The following WDR44 variants were observed in gnomAD, a reference collection of about 807,000 sequenced individuals.
WDR44 encodes the protein WD repeat-containing protein 44.
Under a neutral mutation model 65.7 loss-of-function variants are expected in WDR44, and 9 were observed. The observed-to-expected ratio is 0.14, with a 90% CI of 0.08 to 0.24. The LOEUF is 0.24. Among genes scored for constraint, WDR44 ranks in the 10% least tolerant of loss-of-function variants. WDR44 has a pLI of 1.00. For synonymous variants in WDR44, 220 were observed against 235.2 expected (o/e 0.94, Z 0.59); for missense variants, 425 against 670.9 (o/e 0.63, Z 4.05).
intron 1 of WDR44, among the ~76,000 whole-genome samples, chrX:118,357,618 A>T (rs1485155006): frequency 4.5e-5 from 5 of 111,757 alleles, no homozygotes; most frequent in East Asian, 2.8e-4. Flanking sequence ...GTGGTGGCTC[A>T]TGCCTGTAAT....
chrX:118,395,605 T>C (rs967695124), intron 6 of WDR44, among the ~76,000 whole-genome samples: 5 of 112,095 alleles, frequency 4.5e-5, no homozygotes, highest in African/African-American at 1.3e-4. Flanking sequence ...AAATTGAAGA[T>C]TGTCTTTGTT....
At chrX:118,423,656 C>T (rs1056980959) in intron 12 of WDR44, among the ~76,000 whole-genome samples, 2 of 111,805 alleles carry the variant, frequency 1.8e-5, no homozygotes, top group African/African-American at 3.3e-5. Flanking sequence ...ATTAAGTATA[C>T]GATACAGTAT....
intron 1 of WDR44, among the ~76,000 whole-genome samples, chrX:118,367,578 A>G (rs1471622447): frequency 8.9e-6 from 1 of 111,749 alleles, no homozygotes; most frequent in East Asian, 2.8e-4. Context: ...TGCATGGGTT[A>G]TTAGAACCAG....
chrX:118,428,292 A>C (rs1376286839), intron 12 of WDR44, among the ~76,000 whole-genome samples: 2 of 108,912 alleles, frequency 1.8e-5, no homozygotes, highest in African/African-American at 3.3e-5. Flanking sequence ...CATCTCAAAA[A>C]ATAGTAATAA....
At position 118,371,075 on chromosome X, in the gene WDR44, G is replaced by A. The variant is rs1373502153; in HGVS notation, c.78-7344G>A. On this transcript the variant is annotated intron_variant, in intron 1 of 19. Coordinates refer to ENST00000254029, the MANE Select transcript of WDR44 (RefSeq NM_019045.5). ...GGACCTGAACAGACATTTCTGAAAG[G>A]AAGACATACAGACAGATGGCCAACA... 3.6e-5 allele frequency among the ~76,000 whole-genome samples: 4 copies of A among 111,580 alleles called. No homozygotes were observed. The East Asian group carries it at 1.1e-3, about 31-fold the overall frequency.
chrX:118,424,339 A>ATATATATATATATATATATATGTATG (rs762485693), intron 12 of WDR44, among the ~76,000 whole-genome samples: 1 of 85,309 alleles, frequency 1.2e-5, no homozygotes, highest in African/African-American at 6.0e-5. Flanking sequence ...ATATATATAT[A>ATATATATATATATATATATATGTATG]TATATATATG....
chrX:118,403,867 G>A (rs1287840412), intron 8 of WDR44, among the ~76,000 whole-genome samples: 1 of 112,046 alleles, frequency 8.9e-6, no homozygotes, highest in Non-Finnish European at 1.9e-5. Flanking sequence ...AGGGACAAGG[G>A]ACCATCTTAA....
chrX:118,367,857 T>A (rs766362219), intron 1 of WDR44, among the ~76,000 whole-genome samples: 61 of 111,939 alleles, frequency 5.4e-4, no homozygotes, highest in African/African-American at 8.1e-4. Flanking sequence ...CTGATTTTTT[T>A]AAAATCCTTT....
Position 118,406,932 on chromosome X carries a change from C to G in WDR44, c.1439C>G (p.Thr480Arg). 8.3e-7 allele frequency: 1 copy of G among 1,210,430 alleles called. No homozygotes were observed. Among genetic ancestry groups the G allele is most frequent in the Non-Finnish European group, 1.1e-6 (1 of 894,421 alleles). The part of the protein sequence containing the change: ...SSSDDEGMPY[T>R]RPVKFKAAHG... ...AGTGATGATGAAGGAATGCCATACA[C>G]AAGACCAGTTAAATTCAAAGCAGCA... Residue 480 changes from threonine to arginine, a missense_variant, in exon 10 of 20, where the codon ACA becomes AGA. Coordinates refer to ENST00000254029, the MANE Select transcript of WDR44 (RefSeq NM_019045.5).
chrX:118,378,563 T>C (rs2147686663), intron 2 of WDR44, 111 bp downstream of exon 2: 1 of 732,023 alleles, frequency 1.4e-6, no homozygotes, highest in East Asian at 3.2e-5. Context: ...TACTTTTTGC[T>C]CAGTAATGTA....
chrX:118,385,826 G>A (rs745509509), intron 2 of WDR44, among the ~76,000 whole-genome samples: 1 of 111,095 alleles, frequency 9.0e-6, no homozygotes, highest in Non-Finnish European at 1.9e-5. Context: ...AGTGATATGA[G>A]AGGGAGATGA....
chrX:118,359,441 G>C (rs2056493262), intron 1 of WDR44, among the ~76,000 whole-genome samples: 1 of 112,000 alleles, frequency 8.9e-6, no homozygotes. Flanking sequence ...GTGGTTTTCT[G>C]TTTATGTCAG....
chrX:118,397,402 A>G (rs2056874579), intron 7 of WDR44, among the ~76,000 whole-genome samples: 1 of 111,271 alleles, frequency 9.0e-6, no homozygotes, highest in African/African-American at 3.3e-5. Context: ...GTGATAGTTC[A>G]TGCCTGTAAT....
chrX:118,440,754 A>G (rs952206316), intron 14 of WDR44, among the ~76,000 whole-genome samples: 6 of 111,271 alleles, frequency 5.4e-5, no homozygotes, highest in Non-Finnish European at 1.1e-4. Context: ...TTATTTGATC[A>G]CAGAACCTTC....
Position 118,396,999 on chromosome X carries a change from C to T in WDR44, c.1083C>T (p.Asn361=). 8.4e-7 allele frequency: 1 copy of T among 1,187,098 alleles called. No individual in the cohort carries two copies. Among genetic ancestry groups the T allele is most frequent in the Non-Finnish European group, 1.1e-6 (1 of 886,506 alleles). ...EEILASVMIK[N]LDTGEEIPLS... ...TTTTAGCCAGTGTAATGATTAAGAA[C>T]CTGGATACTGGAGAAGAAATACCTT... Residue 361 remains asparagine, a synonymous_variant, in exon 7 of 20, where the codon AAC becomes AAT. Coordinates refer to ENST00000254029, the MANE Select transcript of WDR44 (RefSeq NM_019045.5).
At chrX:118,381,360 T>A (rs923343965) in intron 2 of WDR44, among the ~76,000 whole-genome samples, 6 of 108,820 alleles carry the variant, frequency 5.5e-5, no homozygotes, top group Non-Finnish European at 9.5e-5. Context: ...TCCCAGCTAC[T>A]TGGGAGGCTG....
chrX:118,419,798 A>C (rs2057088886), intron 12 of WDR44, among the ~76,000 whole-genome samples: 1 of 111,712 alleles, frequency 9.0e-6, no homozygotes, highest in Admixed American at 9.5e-5. Context: ...TCTGTTTTTT[A>C]ATTGGTACAT....
intron 12 of WDR44, among the ~76,000 whole-genome samples, chrX:118,430,931 T>C (rs2057204814): frequency 8.9e-6 from 1 of 112,086 alleles, no homozygotes; most frequent in African/African-American, 3.2e-5. Flanking sequence ...GGGGCGAGGA[T>C]GGTAGTCATC....
At position 118,442,621 on chromosome X, in the gene WDR44, A is replaced by G. The variant is rs369274514; in HGVS notation, c.2325A>G (p.Ser775=). ...GACTATATGATTTGAGAGATTTGTC[A>G]CTATCCATGAAGTATAAGGGTTACG... ...RIRLYDLRDL[S]LSMKYKGYVN... Residue 775 remains serine, a synonymous_variant, in exon 17 of 20, where the codon TCA becomes TCG. Coordinates refer to ENST00000254029, the MANE Select transcript of WDR44 (RefSeq NM_019045.5). 3.8e-5 allele frequency: 46 copies of G among 1,209,758 alleles called. No individual in the cohort carries two copies. In the African/African-American group the frequency reaches 7.7e-4, roughly 20 times the overall value.
Sources: gnomAD v4.1 joint callset for allele counts (sites outside exome capture counted in the v4.1 genomes callset) on GRCh38, gnomAD v4.1.1 for gene constraint, MANE v1.5 for transcripts, NCBI Gene and HGNC (gene_info 2026-07-23, HGNC 2026-07-21) for gene names.